The following KLRG1 variants were observed in gnomAD, a reference collection of about 807,000 sequenced individuals.
KLRG1 encodes the protein killer cell lectin like receptor G1, also known as killer cell lectin-like receptor subfamily G member 1.
In KLRG1, 16 loss-of-function variants were observed where a neutral mutation model predicts 21.8. The ratio of observed to expected loss-of-function variants is 0.73; its 90% CI spans 0.50 to 1.11. The LOEUF (loss-of-function observed/expected upper bound fraction) is 1.11. Among genes scored for constraint, KLRG1 ranks in the 50% most tolerant of loss-of-function variants. The probability of loss-of-function intolerance (pLI) is 0.00; values close to 1 mark genes in which losing one functional copy is unlikely to be tolerated. For synonymous variants in KLRG1, 69 were observed against 75.9 expected, an observed-to-expected ratio of 0.91 and a Z score of 0.47; for missense variants, 173 against 218.3, an observed-to-expected ratio of 0.79 and a Z score of 1.31.
intron 1 of KLRG1, among the ~76,000 whole-genome samples, chr12:8,978,820 T>A (rs1310749037): frequency 6.6e-6 from 1 of 151,448 alleles, no homozygotes; most frequent in African/African-American, 2.4e-5. Flanking sequence ...GCTCAAATGA[T>A]CCTCCCACCT....
At chr12:9,119,500 G>T in the KLRG1 span, among the ~76,000 whole-genome samples, 1 of 152,180 alleles carries the variant, frequency 6.6e-6, no homozygotes, top group Non-Finnish European at 1.5e-5. Context: ...TGCTGAGGGT[G>T]ATGGGGAATG....
At chr12:9,112,088 C>G in the KLRG1 span, 1 of 1,481,872 alleles carries the variant, frequency 6.7e-7, no homozygotes, top group Admixed American at 1.7e-5. Flanking sequence ...CTGGTCTTCC[C>G]TCAGCACAAA....
the KLRG1 span, chr12:9,070,608 G>A: frequency 1.4e-6 from 2 of 1,478,178 alleles, no homozygotes; most frequent in Non-Finnish European, 1.9e-6. Flanking sequence ...AAGGATTAGG[G>A]TTTTCTGTGT....
the KLRG1 span, among the ~76,000 whole-genome samples, chr12:9,176,155 C>T: frequency 2.6e-5 from 4 of 152,158 alleles, no homozygotes; most frequent in Non-Finnish European, 4.4e-5. Flanking sequence ...ATGTCCTTTG[C>T]AGAGACATGG....
chr12:9,135,053 C>A, the KLRG1 span: 1 of 176,530 alleles, frequency 5.7e-6, no homozygotes, highest in Non-Finnish European at 1.2e-5. Flanking sequence ...CGGGCCGCCC[C>A]ACCTCTGCCT....
chr12:9,163,649 A>G, the KLRG1 span: 3 of 1,611,134 alleles, frequency 1.9e-6, no homozygotes, highest in Admixed American at 5.0e-5. Context: ...GTTGTTAGGG[A>G]CTCCCAAAAA....
chr12:9,056,212 T>C, the KLRG1 span, among the ~76,000 whole-genome samples: 1 of 152,148 alleles, frequency 6.6e-6, no homozygotes, highest in Non-Finnish European at 1.5e-5. Flanking sequence ...GGAGAGGCTT[T>C]GACCTATTTA....
chr12:9,081,206 A>G, the KLRG1 span, among the ~76,000 whole-genome samples: 2 of 152,204 alleles, frequency 1.3e-5, no homozygotes, highest in African/African-American at 4.8e-5. Context: ...AAGATTATAA[A>G]GGCAATTAAT....
At chr12:8,979,408 C>A (rs1946718136) in intron 1 of KLRG1, among the ~76,000 whole-genome samples, 1 of 152,176 alleles carries the variant, frequency 6.6e-6, no homozygotes, top group South Asian at 2.1e-4. Flanking sequence ...ATCATCCCAT[C>A]CTCCTGGCAT....
chr12:9,138,025 A>G, the KLRG1 span, among the ~76,000 whole-genome samples: 1 of 152,012 alleles, frequency 6.6e-6, no homozygotes, highest in Admixed American at 6.6e-5. Context: ...TTTCTTACCT[A>G]ACTGTTCTGG....
intron 1 of KLRG1, among the ~76,000 whole-genome samples, chr12:8,976,134 C>G (rs2137270824): frequency 6.6e-6 from 1 of 152,230 alleles, no homozygotes; most frequent in African/African-American, 2.4e-5. Flanking sequence ...ATTGCTTTTA[C>G]TGCATCCCAT....
chr12:9,151,552 A>G, the KLRG1 span: 1 of 1,463,470 alleles, frequency 6.8e-7, no homozygotes, highest in Admixed American at 1.8e-5. Flanking sequence ...AAAGAGACTC[A>G]CTTAGAAAGA....
chr12:9,184,721 TA>T, the KLRG1 span, among the ~76,000 whole-genome samples: 1 of 152,176 alleles, frequency 6.6e-6, no homozygotes, highest in African/African-American at 2.4e-5. Flanking sequence ...AACATGTTCT[TA>T]ACCTCAAGGA....
At chr12:8,968,121 G>T (rs1345436630) in intron 1 of KLRG1, among the ~76,000 whole-genome samples, 6 of 152,098 alleles carry the variant, frequency 3.9e-5, no homozygotes, top group African/African-American at 1.4e-4. Context: ...TAAATGCAAA[G>T]TAGTAGATAT....
chr12:9,087,260 A>G, the KLRG1 span, among the ~76,000 whole-genome samples: 1 of 152,216 alleles, frequency 6.6e-6, no homozygotes, highest in Non-Finnish European at 1.5e-5. Flanking sequence ...TTATGGAATC[A>G]TAAGTGTCAT....
chr12:9,093,382 A>G, the KLRG1 span: 4 of 903,550 alleles, frequency 4.4e-6, no homozygotes, highest in Non-Finnish European at 7.2e-6. Flanking sequence ...ATATAAAACA[A>G]TAAAAACAGA....
chr12:9,013,242 A>T (rs1947656299), downstream of KLRG1, among the ~76,000 whole-genome samples: 1 of 152,188 alleles, frequency 6.6e-6, no homozygotes, highest in African/African-American at 2.4e-5. Flanking sequence ...GAGTTTTCCC[A>T]AGAAGGATGG....
the KLRG1 span, among the ~76,000 whole-genome samples, chr12:9,096,654 C>T: frequency 2.6e-5 from 4 of 152,144 alleles, no homozygotes; most frequent in Non-Finnish European, 4.4e-5. Context: ...AGTTACATTG[C>T]ATTATATTCG....
chr12:9,033,537 G>T, the KLRG1 span, among the ~76,000 whole-genome samples: 6 of 152,174 alleles, frequency 3.9e-5, no homozygotes, highest in Non-Finnish European at 7.3e-5. Flanking sequence ...ATTGGGCACT[G>T]CTTGCTGAAG....
Sources: allele counts gnomAD v4.1 joint callset (sites outside exome capture counted in the v4.1 genomes callset), GRCh38; gene constraint gnomAD v4.1.1; transcripts MANE v1.5; gene names NCBI Gene and HGNC (gene_info 2026-07-23, HGNC 2026-07-21).